MYO16: variants seen among roughly 807,000 people sequenced by gnomAD.
MYO16 encodes the protein unconventional myosin-XVI.
A neutral mutation model predicts 205.3 loss-of-function variants in MYO16; 94 were observed. The observed-to-expected ratio is 0.46, with a 90% CI of 0.39 to 0.54. The LOEUF (loss-of-function observed/expected upper bound fraction) is 0.54, where lower values mean the gene tolerates loss of function less well. MYO16 is among the 20% of genes least tolerant of loss of function. MYO16 has a pLI of 0.00. For missense variants in MYO16, 2,315 were observed against 2,387.5 expected (o/e 0.97, Z 0.63); for synonymous variants, 988 against 954.0 (o/e 1.04, Z -0.66).
intron 4 of MYO16, among the ~76,000 whole-genome samples, chr13:108,728,130 T>C (rs1884402671): frequency 6.6e-6 from 1 of 152,224 alleles, no homozygotes; most frequent in South Asian, 2.1e-4. Context: ...CTCTAGAAAG[T>C]ATTTCAAGAA....
rs116917959 is a variant in MYO16 at position 108,778,281 on chromosome 13, T to C, written c.508-7354T>C. ...CCTCAGTCACAGGAGGTCAAGCTGCTTCCCCTGGCGAGGAAGACTCAGGGT... is the reference window on the plus strand; with the variant it reads ...CCTCAGTCACAGGAGGTCAAGCTGCCTCCCCTGGCGAGGAAGACTCAGGGT... On this transcript the variant is annotated intron_variant, in intron 4 of 34. Transcript: ENST00000457511. Among the ~76,000 whole-genome samples, 104 of 152,326 alleles carry C rather than the reference T, an allele frequency of 6.8e-4. 1 individual carries two copies. The East Asian group carries it at 0.018, about 27-fold the overall frequency.
intron 27 of MYO16, among the ~76,000 whole-genome samples, chr13:109,098,428 G>A (rs1428121947): frequency 6.6e-6 from 1 of 152,102 alleles, no homozygotes; most frequent in Non-Finnish European, 1.5e-5. Flanking sequence ...AAAAGTTGTC[G>A]AGGTGCTTAA....
At chr13:108,790,841 A>G (rs1886595452) in intron 5 of MYO16, among the ~76,000 whole-genome samples, 1 of 152,256 alleles carries the variant, frequency 6.6e-6, no homozygotes, top group Admixed American at 6.5e-5. Flanking sequence ...TAATAAAATG[A>G]GTCTGCAGTG....
chr13:109,139,465 A>G (rs1209292631), intron 31 of MYO16, among the ~76,000 whole-genome samples: 4 of 152,126 alleles, frequency 2.6e-5, no homozygotes, highest in Admixed American at 6.5e-5. Flanking sequence ...TCCCCACTGC[A>G]TCTCCAGGGA....
chr13:108,555,827 A>G, the MYO16 span, among the ~76,000 whole-genome samples: 1 of 152,120 alleles, frequency 6.6e-6, no homozygotes, highest in Non-Finnish European at 1.5e-5. Flanking sequence ...TTGATTCCAC[A>G]TATAAGTGAG....
Position 109,125,024 on chromosome 13 carries a change from A to G in MYO16, c.3536-88A>G. 7.2e-7 allele frequency: 1 copy of G among 1,384,852 alleles called. No individual in the cohort carries two copies. The highest frequency in any genetic ancestry group is 1.4e-5 in the South Asian group (1 of 73,322). 85.8% of individuals were successfully genotyped at this position (1,384,852 alleles called of 1,614,324 possible). ...AATGTACCTTATTCTACAACTGCTC[A>G]GAGATAAGTATATTATGATTTTTGT... On this transcript the variant is annotated intron_variant, in intron 29 of 34. Transcript: ENST00000457511. This position sits in a 1 kb window ranked among gnomAD's most constrained non-coding sequence, Gnocchi z 4.0.
rs1001214645 is a variant in MYO16 at position 109,141,432 on chromosome 13, A to G, written c.5164+56A>G. On this transcript the variant is annotated intron_variant, in intron 32 of 34. Transcript: ENST00000457511. This position sits in a 1 kb window ranked among gnomAD's most constrained non-coding sequence, Gnocchi z 4.1. ...TTGCATGGACGCTGTGCTTGCGTGC[A>G]CCTGTGTACATCCGTGTCTGCGCAG... 5.1e-6 allele frequency: 6 copies of G among 1,168,702 alleles called. No homozygotes were observed. In the Admixed American group the frequency reaches 2.1e-4, roughly 40 times the overall value. The allele number at this position is 1,168,702 out of a possible 1,614,324, so 72.4% of individuals were successfully genotyped here. A position where few individuals can be genotyped will look rare whatever the true frequency, so the allele number is the denominator to read the frequency against.
chr13:109,191,414 A>C (rs560768750), intron 34 of MYO16, among the ~76,000 whole-genome samples: 18 of 152,288 alleles, frequency 1.2e-4, no homozygotes, highest in African/African-American at 4.3e-4. Context: ...ATACACTAAA[A>C]GGAAAAAATC....
chr13:109,141,093 G>T lies in MYO16; in HGVS notation c.4881G>T (p.Gly1627=). 1 of 1,492,154 alleles carries T rather than the reference G, an allele frequency of 6.7e-7. No individual in the cohort carries two copies. 92.4% of individuals were successfully genotyped at this position (1,492,154 alleles called of 1,614,324 possible). Residue 1627 remains glycine (G), a synonymous_variant, in exon 32 of 35, where the codon GGG becomes GGT. Transcript: ENST00000457511. The surrounding 1 kb of genome is among the most constrained non-coding windows in gnomAD (Gnocchi z 4.1). ...FPPEPAPVNA[G]KAGPSAEAPK... is the part of the protein sequence containing the mutation. ...CGGAGCCCGCCCCGGTGAACGCGGGGAAAGCGGGGCCGAGCGCAGAGGCGC... is the reference window on the plus strand; with the variant it reads ...CGGAGCCCGCCCCGGTGAACGCGGGTAAAGCGGGGCCGAGCGCAGAGGCGC...
At chr13:109,098,939 A>C (rs751701182) in intron 27 of MYO16, among the ~76,000 whole-genome samples, 5 of 152,212 alleles carry the variant, frequency 3.3e-5, no homozygotes, top group African/African-American at 4.8e-5. Context: ...CCCACTTATC[A>C]AGCTTTTTCA....
At chr13:108,719,661 G>T (rs1021212300) in intron 3 of MYO16, among the ~76,000 whole-genome samples, 1 of 152,108 alleles carries the variant, frequency 6.6e-6, no homozygotes, top group Admixed American at 6.6e-5. Flanking sequence ...ACCCCAGGCC[G>T]CACCCACTTG....
At chr13:108,782,812 G>A (rs974780057) in intron 4 of MYO16, among the ~76,000 whole-genome samples, 1 of 152,320 alleles carries the variant, frequency 6.6e-6, no homozygotes, top group East Asian at 1.9e-4. Context: ...GAAGCCCCAA[G>A]CCTTGGCAGC....
chr13:109,151,789 G>A (rs1394875253), intron 32 of MYO16, among the ~76,000 whole-genome samples: 1 of 152,190 alleles, frequency 6.6e-6, no homozygotes, highest in African/African-American at 2.4e-5. Flanking sequence ...CTTAGGCAAA[G>A]CAATGAGTGA....
intron 4 of MYO16, among the ~76,000 whole-genome samples, chr13:108,746,842 T>C (rs191396671): frequency 5.7e-4 from 86 of 152,040 alleles, no homozygotes; most frequent in African/African-American, 2.0e-3. Flanking sequence ...AAAAAACAGC[T>C]TTACTTAAGT....
At chr13:108,547,120 A>G in the MYO16 span, among the ~76,000 whole-genome samples, 1 of 151,892 alleles carries the variant, frequency 6.6e-6, no homozygotes, top group Non-Finnish European at 1.5e-5. Context: ...AAAATACAAA[A>G]AATTAGCTGG....
intron 27 of MYO16, among the ~76,000 whole-genome samples, chr13:109,099,097 C>T (rs529290231): frequency 2.0e-5 from 3 of 152,266 alleles, no homozygotes; most frequent in South Asian, 2.1e-4. Flanking sequence ...CCACTGCACT[C>T]CTCATCTTCA....
the MYO16 span, among the ~76,000 whole-genome samples, chr13:108,501,108 C>T: frequency 2.0e-5 from 3 of 152,212 alleles, no homozygotes; most frequent in African/African-American, 7.2e-5. Context: ...AGAGGTCCCT[C>T]TTCTGCTGCC....
intron 34 of MYO16, among the ~76,000 whole-genome samples, chr13:109,200,997 A>C (rs1334358553): frequency 6.6e-6 from 1 of 152,176 alleles, no homozygotes; most frequent in Non-Finnish European, 1.5e-5. Context: ...TGCCATAAGG[A>C]GATGGAAGAG....
the MYO16 span, among the ~76,000 whole-genome samples, chr13:108,531,442 T>C: frequency 2.3e-3 from 351 of 152,198 alleles, 2 homozygotes; most frequent in African/African-American, 8.1e-3. Flanking sequence ...TGGATGCATT[T>C]CAGAGATCTA....
Sources: gnomAD v4.1 joint callset for allele counts (sites outside exome capture counted in the v4.1 genomes callset) on GRCh38, gnomAD v4.1.1 for gene constraint, Gnocchi (gnomAD v3.1) non-coding constraint, MANE v1.5 for transcripts, NCBI Gene and HGNC (gene_info 2026-07-23, HGNC 2026-07-21) for gene names.